Variants in BCAS1 observed in about 807,000 individuals in gnomAD.
The protein encoded by BCAS1 is breast carcinoma-amplified sequence 1.
BCAS1 carries 46 observed loss-of-function variants against 65.4 expected under a neutral mutation model. That is an observed-to-expected ratio of 0.70 (90% CI 0.55 to 0.90). BCAS1 has a LOEUF of 0.90. BCAS1 is among the 40% of genes least tolerant of loss of function. BCAS1 has a pLI of 0.00. For synonymous variants in BCAS1, 298 were observed against 293.5 expected, an observed-to-expected ratio of 1.02 and a Z score of -0.16; for missense variants, 793 against 771.2, an observed-to-expected ratio of 1.03 and a Z score of -0.33.
chr20:53,961,675 G>A (rs1765023511), intron 10 of BCAS1, among the ~76,000 whole-genome samples: 1 of 152,190 alleles, frequency 6.6e-6, no homozygotes, highest in African/African-American at 2.4e-5. Context: ...GGAGCATGTG[G>A]TTGTTCTACC....
intron 9 of BCAS1, among the ~76,000 whole-genome samples, chr20:53,972,920 T>C (rs59046998): frequency 0.015 from 2,232 of 152,272 alleles, 52 homozygotes; most frequent in African/African-American, 0.051. Context: ...CTCCAAGTGA[T>C]AGGCTGTCAG....
At chr20:53,975,663 A>G (rs6123334) in intron 8 of BCAS1, among the ~76,000 whole-genome samples, 3 of 152,064 alleles carry the variant, frequency 2.0e-5, no homozygotes, top group Non-Finnish European at 4.4e-5. Context: ...TAAAACACAG[A>G]TGCAGCCAGG....
intron 4 of BCAS1, among the ~76,000 whole-genome samples, chr20:54,003,124 G>A (rs1445654020): frequency 6.6e-6 from 1 of 150,528 alleles, no homozygotes; most frequent in East Asian, 2.0e-4. Context: ...AATAAACCTT[G>A]CCTGGTATAA....
intron 1 of BCAS1, among the ~76,000 whole-genome samples, chr20:54,063,937 T>C (rs1450148688): frequency 1.3e-5 from 2 of 152,132 alleles, no homozygotes; most frequent in African/African-American, 2.4e-5. Context: ...ACTGATTATA[T>C]GAGTGTTTTG....
chr20:53,951,599 C>A (rs554058796), intron 12 of BCAS1, among the ~76,000 whole-genome samples: 1 of 152,338 alleles, frequency 6.6e-6, no homozygotes, highest in Non-Finnish European at 1.5e-5. Flanking sequence ...CAATCAGGAG[C>A]TTTGTGGCAT....
chr20:54,001,626 A>G (rs66913293), intron 4 of BCAS1, among the ~76,000 whole-genome samples: 30,196 of 152,084 alleles, frequency 0.2, 3,374 homozygotes, highest in East Asian at 0.28. Context: ...CTGATGTCCT[A>G]TGATTCTGCC....
chr20:54,056,463 TG>T, intron 3 of BCAS1, among the ~76,000 whole-genome samples: 1 of 151,276 alleles, frequency 6.6e-6, no homozygotes, highest in East Asian at 1.9e-4. Context: ...GAAGGGAGGG[TG>T]GGAGTGGAAT....
intron 4 of BCAS1, among the ~76,000 whole-genome samples, chr20:54,003,226 CAAAAAA>C (rs36065746): frequency 1.0e-5 from 1 of 98,576 alleles, no homozygotes; most frequent in Non-Finnish European, 2.0e-5. Context: ...GCCAAACAGA[CAAAAAA>C]AAAAAAAAAA....
At chr20:53,974,270 C>T (rs1011208850) in intron 9 of BCAS1, among the ~76,000 whole-genome samples, 12 of 152,170 alleles carry the variant, frequency 7.9e-5, no homozygotes, top group African/African-American at 2.7e-4. Context: ...TTTGTTCTTT[C>T]CCTCTTCACA....
chr20:54,058,202 CAGA>C (rs2092326279), intron 2 of BCAS1, 48 bp from the exon 3 acceptor site: 2 of 1,529,466 alleles, frequency 1.3e-6, no homozygotes, highest in South Asian at 1.1e-5. Flanking sequence ...GGGGGAAAAT[CAGA>C]AGAACTCAAG....
intron 1 of BCAS1, among the ~76,000 whole-genome samples, chr20:54,060,341 C>A (rs561237166): frequency 1.6e-4 from 24 of 152,182 alleles, no homozygotes; most frequent in Non-Finnish European, 3.4e-4. Context: ...GAGACGGAGT[C>A]TCTCTCTGTT....
At chr20:53,996,174 C>T (rs779665944) in intron 4 of BCAS1, 124 bp from the exon 5 acceptor site, 47 of 956,346 alleles carry the variant, frequency 4.9e-5, no homozygotes, top group South Asian at 2.4e-4. Flanking sequence ...TGCCCACAGG[C>T]GTGCAGAACA....
At chr20:54,034,891 A>C (rs1183579660) in intron 3 of BCAS1, among the ~76,000 whole-genome samples, 4 of 151,318 alleles carry the variant, frequency 2.6e-5, no homozygotes, top group Admixed American at 2.6e-4. Context: ...ACTATACTAC[A>C]AGGCTACAGT....
At chr20:54,013,105 C>T (rs538566257) in intron 4 of BCAS1, among the ~76,000 whole-genome samples, 6 of 152,282 alleles carry the variant, frequency 3.9e-5, no homozygotes, top group South Asian at 2.1e-4. Context: ...TACATGCATA[C>T]GTTGTATGGC....
rs181892262 is a variant in BCAS1, at chr20:54,048,301, A to C, written c.142+9784T>G. Among the ~76,000 whole-genome samples, 10 of 152,282 alleles carry C rather than the reference A, an allele frequency of 6.6e-5. No homozygotes were observed. The East Asian group carries it at 1.9e-3, about 29-fold the overall frequency. On this transcript the variant is annotated intron_variant, in intron 3 of 12. Transcript: ENST00000688948. ...TTCTTTGGAATCACCTCTGGCAGAC[A>C]CTGTTTGTGGCCTGCCCAATAGCCA...
At chr20:53,972,110 A>T (rs185021680) in intron 9 of BCAS1, among the ~76,000 whole-genome samples, 8 of 152,182 alleles carry the variant, frequency 5.3e-5, no homozygotes, top group African/African-American at 1.9e-4. Flanking sequence ...TTAGTTCTGG[A>T]AAGTTGTAGG....
chr20:54,059,789 A>G (rs1229355869), intron 1 of BCAS1, among the ~76,000 whole-genome samples: 1 of 152,200 alleles, frequency 6.6e-6, no homozygotes, highest in Non-Finnish European at 1.5e-5. Flanking sequence ...GTGTACCTAA[A>G]CATATCGAAA....
Position 54,028,947 on chromosome 20 carries a change from C to T in BCAS1, c.168G>A (p.Thr56=), listed in dbSNP as rs1270349033. 4.3e-6 allele frequency: 7 copies of T among 1,610,814 alleles called. No homozygotes were observed. The South Asian group carries it at 4.4e-5, about 10-fold the overall frequency. The change falls in exon 4 of 13, where the codon ACG becomes ACA. Residue 56 remains threonine, a synonymous_variant. Transcript: ENST00000688948. Reference sequence around the variant, plus strand: ...CGGGGGAAGAAGTGGCCACATTATCCGTCTTGACACTTATTCCCAAGTCGA... The same window carrying T: ...CGGGGGAAGAAGTGGCCACATTATCTGTCTTGACACTTATTCCCAAGTCGA... ...EEVDLGISVK[T]DNVATSSPET...
intron 4 of BCAS1, among the ~76,000 whole-genome samples, chr20:54,009,220 AT>A (rs759443020): frequency 2.0e-5 from 3 of 152,254 alleles, no homozygotes; most frequent in Non-Finnish European, 4.4e-5. Context: ...AATAGAAGAT[AT>A]AAAAATAACT....
Sources: allele counts gnomAD v4.1 joint callset (sites outside exome capture counted in the v4.1 genomes callset), GRCh38; gene constraint gnomAD v4.1.1; transcripts MANE v1.5; gene names NCBI Gene and HGNC (gene_info 2026-07-23, HGNC 2026-07-21).